Variants in KAT8 observed in about 807,000 individuals in gnomAD.
The protein encoded by KAT8 is histone acetyltransferase KAT8.
KAT8 carries 40 observed loss-of-function variants against 62.9 expected under a neutral mutation model. The ratio of observed to expected loss-of-function variants is 0.64; its 90% CI spans 0.49 to 0.83. The LOEUF (loss-of-function observed/expected upper bound fraction) is 0.83. KAT8 is among the 40% of genes least tolerant of loss of function. The pLI is 0.00. For missense variants in KAT8, 387 were observed against 614.8 expected (o/e 0.63, Z 3.92); for synonymous variants, 278 against 254.5 (o/e 1.09, Z -0.88).
intron 3 of KAT8, 104 bp downstream of exon 3, chr16:31,120,618 T>C: frequency 1.9e-6 from 2 of 1,078,074 alleles, no homozygotes; most frequent in South Asian, 3.1e-5. Flanking sequence ...ATCCCATTTC[T>C]TAAGCTCCTG....
chr16:31,117,901 G>C lies in KAT8; in HGVS notation c.211+9G>C. 7.4e-7 allele frequency: 1 copy of C among 1,345,936 alleles called. No individual in the cohort carries two copies. Among genetic ancestry groups the C allele is most frequent in the Non-Finnish European group, 9.6e-7 (1 of 1,038,344 alleles). The allele number at this position is 1,345,936 out of a possible 1,614,324, so 83.4% of individuals were successfully genotyped here. A position where few individuals can be genotyped will look rare whatever the true frequency, so the allele number is the denominator to read the frequency against. On this transcript the variant is annotated intron_variant, in intron 1 of 10. Coordinates refer to ENST00000219797, the MANE Select transcript of KAT8 (RefSeq NM_032188.3). Reference sequence around the variant, plus strand: ...ACCGGATAGCACCTGGCGTGAGGGCGGGGCCCAGGGCTGGGGGCGGGGCGG... The same window carrying C: ...ACCGGATAGCACCTGGCGTGAGGGCCGGGCCCAGGGCTGGGGGCGGGGCGG...
chr16:31,118,305 T>G (rs1301179397), intron 1 of KAT8: 1 of 163,398 alleles, frequency 6.1e-6, no homozygotes, highest in East Asian at 1.7e-4. Flanking sequence ...TTCCTAAAGT[T>G]CTGCTGCCTT....
At chr16:31,124,985 C>T (rs564383887) in intron 3 of KAT8, among the ~76,000 whole-genome samples, 1 of 152,198 alleles carries the variant, frequency 6.6e-6, no homozygotes, top group South Asian at 2.1e-4. Context: ...GCCAAGATTG[C>T]ACCATTGCTC....
intron 3 of KAT8, among the ~76,000 whole-genome samples, chr16:31,121,980 G>A (rs1342276563): frequency 6.6e-6 from 1 of 151,878 alleles, no homozygotes; most frequent in Non-Finnish European, 1.5e-5. Flanking sequence ...CAAACTCCTG[G>A]TCTCAAGCGA....
chr16:31,124,509 A>G (rs2057519654), intron 3 of KAT8, among the ~76,000 whole-genome samples: 1 of 152,096 alleles, frequency 6.6e-6, no homozygotes, highest in African/African-American at 2.4e-5. Flanking sequence ...AGGCGCAGGC[A>G]GACCACGAGG....
Position 31,117,723 on chromosome 16 carries a change from T to G in KAT8, c.42T>G (p.Thr14=). The change falls in exon 1 of 11, where the codon ACT becomes ACG. Residue 14 remains threonine, a synonymous_variant. Transcript: ENST00000219797. ...QGAAAAVAAG[T]SGVAGEGEPG... Reference sequence around the variant, plus strand: ...CTGCTGCGGCGGTTGCGGCGGGGACTTCAGGGGTCGCGGGGGAGGGCGAGC... The same window carrying G: ...CTGCTGCGGCGGTTGCGGCGGGGACGTCAGGGGTCGCGGGGGAGGGCGAGC... The G allele has an allele frequency of 2.2e-6, 3 of 1,382,176 alleles. No individual in the cohort carries two copies. Among genetic ancestry groups the G allele is most frequent in the Non-Finnish European group, 2.8e-6 (3 of 1,062,118 alleles). 85.6% of individuals were successfully genotyped at this position (1,382,176 alleles called of 1,614,324 possible).
chr16:31,131,120 G>A (rs1230877717), intron 10 of KAT8, 75 bp from the exon 11 acceptor site: 3 of 1,591,642 alleles, frequency 1.9e-6, no homozygotes, highest in African/African-American at 1.3e-5. Context: ...ACTGGCCTGA[G>A]CCCAGAGGAG....
At position 31,117,788 on chromosome 16, in the gene KAT8, C is replaced by A; in HGVS notation, c.107C>A (p.Pro36Gln). 7.1e-7 allele frequency: 1 copy of A among 1,412,352 alleles called. No homozygotes were observed. The highest frequency in any genetic ancestry group is 3.0e-5 in the East Asian group (1 of 32,972). The allele number at this position is 1,412,352 out of a possible 1,614,324, so 87.5% of individuals were successfully genotyped here. Residue 36 changes from proline (P) to glutamine (Q), a missense_variant, in exon 1 of 11, where the codon CCA (proline) becomes CAA (glutamine). Pro to Gln is a moderately conservative substitution (Grantham distance 76). Coordinates refer to ENST00000219797, the MANE Select transcript of KAT8 (RefSeq NM_032188.3). Reference protein sequence around the residue: ...GENAAAEGTAPSPGRVSPPTP... With the variant: ...GENAAAEGTAQSPGRVSPPTP... ...AATGCGGCCGCTGAGGGGACCGCCC[C>A]ATCCCCGGGCCGCGTCTCTCCGCCG...
intron 3 of KAT8, among the ~76,000 whole-genome samples, chr16:31,124,416 T>G (rs1004740749): frequency 5.9e-5 from 9 of 152,152 alleles, no homozygotes; most frequent in African/African-American, 1.7e-4. Context: ...CTGAGATGAT[T>G]GGATCATTTG....
In KAT8 at chr16:31,126,973, C is replaced by T. The variant is rs73530233; in HGVS notation, c.463-62C>T. ...GGCAGGGAAGCCTTGTGGGTCCTGA[C>T]GGGAGGGACAGCCTGGTCACCACTT... On this transcript the variant is annotated intron_variant, in intron 3 of 10. Transcript: ENST00000219797. 483 of 1,582,324 alleles carry T rather than the reference C, an allele frequency of 3.1e-4. No individual in the cohort carries two copies. The African/African-American group carries it at 5.4e-3, about 18-fold the overall frequency.
At chr16:31,128,232 T>C (rs1008978373) in intron 6 of KAT8, 93 bp downstream of exon 6, 20 of 960,646 alleles carry the variant, frequency 2.1e-5, no homozygotes, top group Middle Eastern at 2.2e-4. Context: ...GGGGCAGCCT[T>C]AGCTGAGCCT....
In KAT8 at chr16:31,120,079, G is replaced by C. The variant is rs1472899483; in HGVS notation, c.212-107G>C. The C allele has an allele frequency of 5.9e-6, 5 of 851,838 alleles. No homozygotes were observed. In the South Asian group the frequency reaches 7.0e-5, roughly 12 times the overall value. The allele number at this position is 851,838 out of a possible 1,614,324, so 52.8% of individuals were successfully genotyped here. On this transcript the variant is annotated intron_variant, in intron 1 of 10. Coordinates refer to ENST00000219797, the MANE Select transcript of KAT8 (RefSeq NM_032188.3). ...TAGAATGGCAGAGGTGGACCAGTGA[G>C]GTTAGCTGATGTGTGGCCCTGAACT...
chr16:31,117,806 C>A lies in KAT8; in HGVS notation c.125C>A (p.Ser42Tyr). 1 of 1,429,284 alleles carries A rather than the reference C, an allele frequency of 7.0e-7. No homozygotes were observed. Among genetic ancestry groups the A allele is most frequent in the Non-Finnish European group, 9.2e-7 (1 of 1,081,472 alleles). 88.5% of individuals were successfully genotyped at this position (1,429,284 alleles called of 1,614,324 possible). ...EGTAPSPGRV[S>Y]PPTPARGEPE... ...ACCGCCCCATCCCCGGGCCGCGTCT[C>A]TCCGCCGACCCCGGCGCGCGGCGAG... Residue 42 changes from serine (S) to tyrosine (Y), a missense_variant, in exon 1 of 11, where the codon TCT (serine) becomes TAT (tyrosine). Coordinates refer to ENST00000219797, the MANE Select transcript of KAT8 (RefSeq NM_032188.3).
rs374815636 is a variant in KAT8 at position 31,130,734 on chromosome 16, C to A, written c.1158-12C>A. 8.6e-5 allele frequency: 138 copies of A among 1,613,952 alleles called. No individual in the cohort carries two copies. Among genetic ancestry groups the A allele is most frequent in the Non-Finnish European group, 1.2e-4 (136 of 1,179,816 alleles). On this transcript the variant is annotated splice_polypyrimidine_tract_variant and intron_variant, in intron 9 of 10. Transcript: ENST00000219797. ...CACCAGGTCTGGCATTTGCTCTCAT[C>A]CCTTTTTGCAGCCAGATGACCAGTA... is the stretch of plus-strand genomic sequence containing the variant.
At chr16:31,119,180 G>A (rs1157088797) in intron 1 of KAT8, among the ~76,000 whole-genome samples, 2 of 152,104 alleles carry the variant, frequency 1.3e-5, no homozygotes, top group East Asian at 1.9e-4. Flanking sequence ...AGATGGAATC[G>A]CTCTCTGTTG....
chr16:31,128,261 T>C (rs2057548198), intron 6 of KAT8, 122 bp downstream of exon 6: 4 of 756,768 alleles, frequency 5.3e-6, no homozygotes, highest in African/African-American at 1.7e-5. Flanking sequence ...AGAATGCCTC[T>C]GAGGGGCCGG....
In KAT8 at chr16:31,117,730, G is replaced by A. The variant is rs1316255517; in HGVS notation, c.49G>A (p.Val17Ile). ...AAAVAAGTSG[V>I]AGEGEPGPGE... ...GGCGGTTGCGGCGGGGACTTCAGGG[G>A]TCGCGGGGGAGGGCGAGCCCGGGCC... The change falls in exon 1 of 11, where the codon GTC (valine) becomes ATC (isoleucine). Residue 17 changes from valine to isoleucine, a missense_variant. Val to Ile is a conservative substitution (Grantham distance 29). Around this residue, in one of 6 missense-constraint regions of KAT8, gnomAD observed 92 missense variants for 78.8 expected, o/e 1.17. Coordinates refer to ENST00000219797, the MANE Select transcript of KAT8 (RefSeq NM_032188.3). 6 of 1,379,170 alleles carry A rather than the reference G, an allele frequency of 4.4e-6. No individual in the cohort carries two copies. The highest frequency in any genetic ancestry group is 3.0e-5 in the African/African-American group (2 of 65,668). The allele number at this position is 1,379,170 out of a possible 1,614,324, so 85.4% of individuals were successfully genotyped here. A position where few individuals can be genotyped will look rare whatever the true frequency, so the allele number is the denominator to read the frequency against.
At chr16:31,125,196 GAAAA>G (rs112449297) in intron 3 of KAT8, among the ~76,000 whole-genome samples, 12 of 135,838 alleles carry the variant, frequency 8.8e-5, no homozygotes, top group African/African-American at 2.4e-4. Flanking sequence ...TATCTCAGAA[GAAAA>G]AAAAAAAAAC....
chr16:31,127,445 C>T, intron 5 of KAT8, 92 bp downstream of exon 5: 1 of 1,366,518 alleles, frequency 7.3e-7, no homozygotes, highest in Non-Finnish European at 1.0e-6. Context: ...CCGGCAGCTC[C>T]AGGGAGGAGA....
Sources: gnomAD v4.1 joint callset for allele counts (sites outside exome capture counted in the v4.1 genomes callset) on GRCh38, gnomAD v4.1.1 for gene constraint, gnomAD v4.1.1 regional missense constraint, MANE v1.5 for transcripts, NCBI Gene and HGNC (gene_info 2026-07-23, HGNC 2026-07-21) for gene names.